The following DAB1 variants were observed in gnomAD, a reference collection of about 807,000 sequenced individuals.
The protein encoded by DAB1 is DAB adaptor protein 1.
DAB1 carries 15 observed loss-of-function variants against 64.6 expected under a neutral mutation model. The observed-to-expected ratio is 0.23, with a 90% CI of 0.16 to 0.36. The LOEUF (loss-of-function observed/expected upper bound fraction) is 0.36. Ranked by LOEUF, DAB1 falls within the 10% of genes least tolerant of loss-of-function variation. DAB1 has a pLI of 1.00. For missense variants in DAB1, 596 were observed against 706.7 expected, an observed-to-expected ratio of 0.84 and a Z score of 1.78; for synonymous variants, 235 against 251.9, an observed-to-expected ratio of 0.93 and a Z score of 0.64.
rs566369003 is a variant in DAB1 at position 58,340,950 on chromosome 1, G to A, written n.309+2402C>T. Among the ~76,000 whole-genome samples, 12 of 152,268 alleles carry A rather than the reference G, an allele frequency of 7.9e-5. No individual in the cohort carries two copies. The East Asian group carries it at 9.6e-4, about 12-fold the overall frequency. On this transcript the variant is annotated intron_variant and non_coding_transcript_variant, in intron 4 of 20. Coordinates refer to the DAB1 transcript ENST00000485760. ...TTGAAATCTCAATGTTTTTCCAGAC[G>A]GCAGATTCAAAGGGTTGTGTGCTTG... is the stretch of plus-strand genomic sequence containing the variant.
At chr1:57,406,134 T>C (rs1294265721) in intron 1 of DAB1, among the ~76,000 whole-genome samples, 1 of 152,228 alleles carries the variant, frequency 6.6e-6, no homozygotes, top group African/African-American at 2.4e-5. Context: ...AACGTTGATT[T>C]TGTGTCTTAG....
At chr1:57,425,298 C>T (rs1376740629), upstream of DAB1, among the ~76,000 whole-genome samples, 1 of 152,166 alleles carries the variant, frequency 6.6e-6, no homozygotes, top group Non-Finnish European at 1.5e-5. Context: ...ACACTCCTGT[C>T]TTCCAGCTGT....
intron 3 of DAB1, among the ~76,000 whole-genome samples, chr1:58,435,572 T>G (rs372446616): frequency 6.6e-6 from 1 of 152,056 alleles, no homozygotes; most frequent in Non-Finnish European, 1.5e-5. Context: ...TCCACAAAGC[T>G]CCTCCTCTTC....
intron 7 of DAB1, among the ~76,000 whole-genome samples, chr1:57,611,962 C>T (rs901568114): frequency 2.6e-5 from 4 of 152,080 alleles, no homozygotes; most frequent in Admixed American, 2.0e-4. Flanking sequence ...TGTCACTGGC[C>T]TCTTTGCTTT....
At chr1:57,090,602 G>A (rs1653563238) in intron 4 of DAB1, among the ~76,000 whole-genome samples, 1 of 152,188 alleles carries the variant, frequency 6.6e-6, no homozygotes, top group South Asian at 2.1e-4. Flanking sequence ...GTTCAAACAA[G>A]TGAGGTTGCA....
chr1:57,875,021 T>A (rs1202782), intron 1 of DAB1: 93,709 of 152,000 alleles, frequency 0.62, 29,099 homozygotes, highest in African/African-American at 0.68. Flanking sequence ...CTTTGGTTCT[T>A]CTGGACTGCC....
At chr1:57,000,334 G>A (rs540918087) in intron 14 of DAB1, among the ~76,000 whole-genome samples, 8 of 152,120 alleles carry the variant, frequency 5.3e-5, no homozygotes, top group East Asian at 1.9e-4. Flanking sequence ...GTGAGCCACC[G>A]CGCCAGGCCT....
chr1:57,108,633 A>C (rs1655383620), intron 4 of DAB1, among the ~76,000 whole-genome samples: 1 of 152,180 alleles, frequency 6.6e-6, no homozygotes, highest in South Asian at 2.1e-4. Context: ...CCCAGTACTT[A>C]GCCCAGAATA....
intron 5 of DAB1, among the ~76,000 whole-genome samples, chr1:58,001,579 A>G (rs1391779618): frequency 6.6e-6 from 1 of 152,108 alleles, no homozygotes; most frequent in Non-Finnish European, 1.5e-5. Flanking sequence ...CTTTTTCTGA[A>G]CCACACATCT....
intron 5 of DAB1, among the ~76,000 whole-genome samples, chr1:58,107,524 G>C (rs969193766): frequency 1.3e-5 from 2 of 151,882 alleles, no homozygotes; most frequent in Non-Finnish European, 2.9e-5. Flanking sequence ...CAGGGTGCCA[G>C]GGAGGGTTTC....
intron 5 of DAB1, among the ~76,000 whole-genome samples, chr1:58,025,625 AAATAT>A: frequency 7.2e-6 from 1 of 139,710 alleles, no homozygotes; most frequent in East Asian, 2.0e-4. Flanking sequence ...GATGAGTTAT[AAATAT>A]AATATTATAT....
chr1:57,398,344 G>A (rs1297435716), intron 1 of DAB1, among the ~76,000 whole-genome samples: 1 of 152,044 alleles, frequency 6.6e-6, no homozygotes, highest in African/African-American at 2.4e-5. Context: ...AGAGGATCTA[G>A]GGATGCCTGA....
chr1:58,011,060 A>G (rs1646661053), intron 5 of DAB1, among the ~76,000 whole-genome samples: 1 of 152,224 alleles, frequency 6.6e-6, no homozygotes, highest in African/African-American at 2.4e-5. Context: ...AATGTTAGTT[A>G]TGAGACTGAT....
intron 5 of DAB1, among the ~76,000 whole-genome samples, chr1:58,119,877 C>T (rs140324363): frequency 7.9e-5 from 12 of 152,224 alleles, no homozygotes; most frequent in East Asian, 1.9e-4. Flanking sequence ...ATCGTAGATG[C>T]GCTTGTGGGA....
At chr1:57,049,844 C>G (rs1031506100) in intron 9 of DAB1, among the ~76,000 whole-genome samples, 1 of 152,074 alleles carries the variant, frequency 6.6e-6, no homozygotes, top group Non-Finnish European at 1.5e-5. Context: ...AACAAGGAGG[C>G]AGTAGTTGGA....
At chr1:57,358,036 A>T (rs1028873027) in intron 1 of DAB1, among the ~76,000 whole-genome samples, 2 of 152,042 alleles carry the variant, frequency 1.3e-5, no homozygotes, top group Non-Finnish European at 2.9e-5. Flanking sequence ...TATTAGCTCT[A>T]ACAGTTTTTT....
intron 9 of DAB1, among the ~76,000 whole-genome samples, chr1:57,034,212 G>A (rs926165229): frequency 3.5e-4 from 53 of 150,910 alleles, no homozygotes; most frequent in African/African-American, 1.2e-3. Context: ...TCCAGGAGGC[G>A]GAGGTTGCAG....
chr1:57,658,658 G>A (rs6696726), intron 6 of DAB1, among the ~76,000 whole-genome samples: 4 of 152,018 alleles, frequency 2.6e-5, no homozygotes, highest in Non-Finnish European at 5.9e-5. Context: ...CTCCTCCCAG[G>A]TTCAGACAAT....
intron 5 of DAB1, among the ~76,000 whole-genome samples, chr1:58,025,964 G>A (rs2100466014): frequency 6.6e-6 from 1 of 152,056 alleles, no homozygotes; most frequent in East Asian, 1.9e-4. Context: ...GGAGGGCCAT[G>A]TCACCCCAAA....
Sources: allele counts gnomAD v4.1 joint callset (sites outside exome capture counted in the v4.1 genomes callset), GRCh38; gene constraint gnomAD v4.1.1; transcripts MANE v1.5; gene names NCBI Gene and HGNC (gene_info 2026-07-23, HGNC 2026-07-21).